MTHFSD: variants seen among roughly 807,000 people sequenced by gnomAD.
The protein encoded by MTHFSD is methenyltetrahydrofolate synthetase domain containing.
A neutral mutation model predicts 31.1 loss-of-function variants in MTHFSD; 37 were observed. The observed-to-expected ratio is 1.19, with a 90% CI of 0.91 to 1.56. The LOEUF is 1.56. Among genes scored for constraint, MTHFSD ranks in the 40% most tolerant of loss-of-function variants. The pLI is 0.00. For synonymous variants in MTHFSD, 221 were observed against 206.9 expected (o/e 1.07, Z -0.59); for missense variants, 664 against 510.1 (o/e 1.30, Z -2.91).
chr16:86,532,212 G>T lies in MTHFSD; in HGVS notation c.951C>A (p.Ala317=), dbSNP rs954353177. 5.7e-6 allele frequency: 9 copies of T among 1,582,248 alleles called. No individual in the cohort carries two copies. Among genetic ancestry groups the T allele is most frequent in the Non-Finnish European group, 7.7e-6 (9 of 1,164,980 alleles). ...DVYVGNLPGD[A]RVSDLKRALR... is the part of the protein sequence containing the mutation. ...GGGCTCTCTTCAGGTCACTCACACG[G>T]GCGTCCCCGGGGAGGTTCCCAACGT... Residue 317 remains alanine, a synonymous_variant, in exon 8 of 8, where the codon GCC becomes GCA. Coordinates refer to ENST00000360900, the MANE Select transcript of MTHFSD (RefSeq NM_001159377.2).
chr16:86,555,142 GC>G (rs1217043810), intron 1 of MTHFSD, 26 bp downstream of exon 1: 1 of 1,531,340 alleles, frequency 6.5e-7, no homozygotes, highest in Non-Finnish European at 8.7e-7. Context: ...ATTCCCAGCC[GC>G]CCCGGAGCCC....
intron 7 of MTHFSD, chr16:86,540,752 C>G: frequency 1.0e-6 from 1 of 990,534 alleles, no homozygotes; most frequent in Non-Finnish European, 1.2e-6. Flanking sequence ...AGAGCAGTGA[C>G]CACCTTCTTT....
intron 2 of MTHFSD, 79 bp downstream of exon 2, chr16:86,554,566 T>C (rs1422174953): frequency 2.7e-6 from 3 of 1,096,804 alleles, no homozygotes; most frequent in Admixed American, 1.8e-5. Flanking sequence ...CATGACGCAG[T>C]AAGAGAATTT....
At chr16:86,535,360 GCAGCTGGATGA>G (rs1970544926) in intron 7 of MTHFSD, 1 of 978,642 alleles carries the variant, frequency 1.0e-6, no homozygotes, top group Non-Finnish European at 1.2e-6. Context: ...CACTCTGCCA[GCAGCTGGATGA>G]CCACGCCGAT....
intron 7 of MTHFSD, chr16:86,532,894 A>C (rs1597310178): frequency 6.5e-6 from 1 of 153,326 alleles, no homozygotes; most frequent in African/African-American, 2.4e-5. Context: ...TCCCCTAATG[A>C]CCCCCCCAGA....
intron 3 of MTHFSD, among the ~76,000 whole-genome samples, chr16:86,550,467 C>A (rs1322726209): frequency 1.3e-5 from 2 of 152,174 alleles, no homozygotes; most frequent in Non-Finnish European, 2.9e-5. Flanking sequence ...GCTGAGAACA[C>A]CCTGAACTTC....
At chr16:86,538,063 T>C (rs1199114893) in intron 7 of MTHFSD, among the ~76,000 whole-genome samples, 1 of 152,238 alleles carries the variant, frequency 6.6e-6, no homozygotes, top group African/African-American at 2.4e-5. Context: ...TTTGTGGGTC[T>C]GGTGACGGGG....
At chr16:86,554,504 A>G in intron 2 of MTHFSD, 141 bp downstream of exon 2, 4 of 697,588 alleles carry the variant, frequency 5.7e-6, no homozygotes, top group Non-Finnish European at 9.9e-6. Flanking sequence ...CGCCCTGGCC[A>G]AATGGCTTTG....
At chr16:86,537,816 C>A (rs1321084018) in intron 7 of MTHFSD, among the ~76,000 whole-genome samples, 1 of 152,206 alleles carries the variant, frequency 6.6e-6, no homozygotes, top group Non-Finnish European at 1.5e-5. Flanking sequence ...TTGAAAGCTA[C>A]AGAATTGTTT....
Position 86,532,276 on chromosome 16 carries a change from G to T in MTHFSD, c.887C>A (p.Ser296Tyr), listed in dbSNP as rs3751802. Reference protein sequence around the residue: ...ETNSMEAAPGSPPGEGAPLAA... With the variant: ...ETNSMEAAPGYPPGEGAPLAA... ...AAGCGGGGCACCCTCCCCTGGTGGG[G>T]AGCCAGGGGCTGCCTCCATGGAATT... Residue 296 changes from serine (S) to tyrosine (Y), a missense_variant, in exon 8 of 8, where the codon TCC (serine) becomes TAC (tyrosine). Coordinates refer to ENST00000360900, the MANE Select transcript of MTHFSD (RefSeq NM_001159377.2). 6.4e-7 allele frequency: 1 copy of T among 1,563,876 alleles called. No individual in the cohort carries two copies.
intron 7 of MTHFSD, chr16:86,535,189 G>A (rs1970510229): frequency 9.9e-6 from 9 of 910,082 alleles, no homozygotes; most frequent in Non-Finnish European, 1.1e-5. Flanking sequence ...CAGGGCACTG[G>A]CACACTGGCA....
Position 86,532,284 on chromosome 16 carries a change from G to A in MTHFSD, c.879C>T (p.Ala293=). The change falls in exon 8 of 8, where the codon GCC becomes GCT. Residue 293 remains alanine (A), a synonymous_variant. Coordinates refer to ENST00000360900, the MANE Select transcript of MTHFSD (RefSeq NM_001159377.2). ...CACCCTCCCCTGGTGGGGAGCCAGG[G>A]GCTGCCTCCATGGAATTGGTTTCTG... ...PGPETNSMEA[A]PGSPPGEGAP... 1.9e-6 allele frequency: 3 copies of A among 1,571,182 alleles called. No homozygotes were observed. The highest frequency in any genetic ancestry group is 2.6e-6 in the Non-Finnish European group (3 of 1,161,076).
chr16:86,543,340 G>A (rs1971793206), intron 5 of MTHFSD, among the ~76,000 whole-genome samples: 1 of 152,122 alleles, frequency 6.6e-6, no homozygotes, highest in African/African-American at 2.4e-5. Flanking sequence ...GCAACATCAA[G>A]GCTGACAATC....
chr16:86,538,515 G>A lies in MTHFSD; in HGVS notation c.681+3182C>T, dbSNP rs567314719. 8.7e-4 allele frequency among the ~76,000 whole-genome samples: 132 copies of A among 152,358 alleles called. 1 individual carries two copies. The highest frequency in any genetic ancestry group is 3.1e-3 in the African/African-American group (129 of 41,586). On this transcript the variant is annotated intron_variant, in intron 7 of 7. Coordinates refer to ENST00000360900, the MANE Select transcript of MTHFSD (RefSeq NM_001159377.2). Reference sequence around the variant, plus strand: ...ACTCTGCATTTCACTCCCGACAAGGGCAGGCACTGGTCAGTGGCCAGGGCT... The same window carrying A: ...ACTCTGCATTTCACTCCCGACAAGGACAGGCACTGGTCAGTGGCCAGGGCT...
At position 86,541,812 on chromosome 16, in the gene MTHFSD, A is replaced by T. The variant is rs932970256; in HGVS notation, c.566T>A (p.Ile189Asn). Reference protein sequence around the residue: ...TIVHDCQVVDIPEELVEEHDI... With the variant: ...TIVHDCQVVDNPEELVEEHDI... Reference sequence around the variant, plus strand: ...GTGCTCCTCAACAAGCTCTTCAGGGATGTCCACGACCTGGGGGAAGAGAGG... The same window carrying T: ...GTGCTCCTCAACAAGCTCTTCAGGGTTGTCCACGACCTGGGGGAAGAGAGG... The change falls in exon 7 of 8, where the codon ATC (isoleucine) becomes AAC (asparagine). Residue 189 changes from isoleucine (I) to asparagine (N), a missense_variant. Coordinates refer to ENST00000360900, the MANE Select transcript of MTHFSD (RefSeq NM_001159377.2). The T allele has an allele frequency of 6.8e-6, 11 of 1,614,004 alleles. No individual in the cohort carries two copies. The highest frequency in any genetic ancestry group is 9.3e-6 in the Non-Finnish European group (11 of 1,180,022).
At chr16:86,548,152 T>C in intron 4 of MTHFSD, 1 of 1,294,748 alleles carries the variant, frequency 7.7e-7, no homozygotes, top group Non-Finnish European at 1.0e-6. Context: ...TCCACAATAC[T>C]GAACATCGCA....
chr16:86,545,086 G>A (rs1972090029), intron 5 of MTHFSD, among the ~76,000 whole-genome samples: 1 of 152,178 alleles, frequency 6.6e-6, no homozygotes, highest in Non-Finnish European at 1.5e-5. Flanking sequence ...AGAACATCAG[G>A]TAAAATAGCT....
At position 86,535,561 on chromosome 16, in the gene MTHFSD, A is replaced by C. The variant is rs1023058453; in HGVS notation, c.682-3080T>G. On this transcript the variant is annotated intron_variant, in intron 7 of 7. Coordinates refer to ENST00000360900, the MANE Select transcript of MTHFSD (RefSeq NM_001159377.2). ...TTATGCTTGTTACTCAAACATGAGA[A>C]AACATTTTTGCCTTTTTATAACTAA... 4 of 971,594 alleles carry C rather than the reference A, an allele frequency of 4.1e-6. No homozygotes were observed. In the African/African-American group the frequency reaches 7.1e-5, roughly 17 times the overall value. 60.2% of individuals were successfully genotyped at this position (971,594 alleles called of 1,614,324 possible).
chr16:86,551,489 TG>T (rs1245262043), intron 3 of MTHFSD, among the ~76,000 whole-genome samples: 3 of 152,220 alleles, frequency 2.0e-5, no homozygotes, highest in African/African-American at 7.2e-5. Context: ...TTTTTGTGTT[TG>T]TTTGGTTAGG....
Sources: allele counts gnomAD v4.1 joint callset (sites outside exome capture counted in the v4.1 genomes callset), GRCh38; gene constraint gnomAD v4.1.1; transcripts MANE v1.5; gene names NCBI Gene and HGNC (gene_info 2026-07-23, HGNC 2026-07-21).